INPP5F: variants seen among roughly 807,000 people sequenced by gnomAD.
The protein encoded by INPP5F is phosphatidylinositide 4-phosphatase SAC2.
INPP5F carries 97 observed loss-of-function variants against 137.2 expected under a neutral mutation model. The observed-to-expected ratio is 0.71, with a 90% CI of 0.60 to 0.84. The LOEUF is 0.84. Ranked by LOEUF, INPP5F falls within the 40% of genes least tolerant of loss-of-function variation. The pLI is 0.00. For synonymous variants in INPP5F, 504 were observed against 476.9 expected (o/e 1.06, Z -0.74); for missense variants, 1,271 against 1,371.9 (o/e 0.93, Z 1.16).
chr10:119,806,611 G>A (rs1850800451), intron 12 of INPP5F, 131 bp downstream of exon 12: 3 of 797,486 alleles, frequency 3.8e-6, no homozygotes, highest in Non-Finnish European at 5.4e-6. Flanking sequence ...AAACACCCTT[G>A]TTGCATTAAA....
At chr10:119,798,139 A>G (rs897041958) in intron 8 of INPP5F, among the ~76,000 whole-genome samples, 33 of 151,898 alleles carry the variant, frequency 2.2e-4, no homozygotes, top group Admixed American at 1.8e-3. Context: ...TAATTAGATT[A>G]CTGAATGAGC....
At position 119,827,221 on chromosome 10, in the gene INPP5F, A is replaced by G; in HGVS notation, c.2840A>G (p.His947Arg). 11 of 1,614,176 alleles carry G rather than the reference A, an allele frequency of 6.8e-6. No homozygotes were observed. Among genetic ancestry groups the G allele is most frequent in the Non-Finnish European group, 9.3e-6 (11 of 1,180,040 alleles). Residue 947 changes from histidine to arginine, a missense_variant, in exon 20 of 20, where the codon CAC becomes CGC. Around this residue, in one of 6 missense-constraint regions of INPP5F, gnomAD observed 490 missense variants for 443.7 expected, o/e 1.10. Coordinates refer to ENST00000650623, the MANE Select transcript of INPP5F (RefSeq NM_014937.4). ...AAAAGTCCTTCTGCTGGCGACGTAC[A>G]CATATTGACTGGCTTTGCCAAGCCT... The part of the protein sequence containing the change: ...LKKSPSAGDV[H>R]ILTGFAKPMD...
rs117825588 is a variant in INPP5F at position 119,761,363 on chromosome 10, C to T, written c.178+10207C>T. ...ATAGCTGCTATGTTTGGAAGATGAA[C>T]AAATTAATAGTTGGCTCTTTAGTCA... On this transcript the variant is annotated intron_variant, in intron 2 of 19. Transcript: ENST00000650623. Among the ~76,000 whole-genome samples the T allele has an allele frequency of 1.2e-3, 178 of 152,292 alleles. 1 individual carries two copies. The East Asian group carries it at 0.032, about 27-fold the overall frequency.
At chr10:119,775,249 A>G (rs1379738572) in intron 2 of INPP5F, among the ~76,000 whole-genome samples, 1 of 152,098 alleles carries the variant, frequency 6.6e-6, no homozygotes, top group Non-Finnish European at 1.5e-5. Context: ...CTGGATTATC[A>G]AATATAATTC....
chr10:119,795,833 C>T (rs1001923290), intron 6 of INPP5F, among the ~76,000 whole-genome samples: 4 of 152,294 alleles, frequency 2.6e-5, no homozygotes, highest in African/African-American at 4.8e-5. Context: ...CCTGGCACCT[C>T]GGGAGGCCAA....
At chr10:119,770,428 A>G (rs1431800651) in intron 2 of INPP5F, among the ~76,000 whole-genome samples, 1 of 152,200 alleles carries the variant, frequency 6.6e-6, no homozygotes, top group African/African-American at 2.4e-5. Flanking sequence ...GGCCTGATGG[A>G]TAATAGGATT....
chr10:119,808,633 G>T (rs1022999651), intron 13 of INPP5F, among the ~76,000 whole-genome samples: 1 of 152,206 alleles, frequency 6.6e-6, no homozygotes, highest in Non-Finnish European at 1.5e-5. Context: ...ACTGTTAAAA[G>T]TAAAGTCCTT....
intron 6 of INPP5F, among the ~76,000 whole-genome samples, chr10:119,795,086 C>A (rs1421387275): frequency 7.5e-6 from 1 of 133,068 alleles, no homozygotes. Flanking sequence ...CTGACCCCCC[C>A]ACCTCCCTCC....
chr10:119,795,757 G>T (rs530772347), intron 6 of INPP5F, among the ~76,000 whole-genome samples: 129 of 152,286 alleles, frequency 8.5e-4, no homozygotes, highest in African/African-American at 3.0e-3. Context: ...AGCCAGCCGA[G>T]ATCATGCCAC....
rs959991314 is a variant in INPP5F at position 119,743,563 on chromosome 10, A to G, written c.98-7513A>G. On this transcript the variant is annotated intron_variant, in intron 1 of 19. Coordinates refer to ENST00000650623, the MANE Select transcript of INPP5F (RefSeq NM_014937.4). ...GACTGACCCTTGTTCTAAGTCTAGA[A>G]TGAAGGGCAGGCAGAAGTGGGTGGG... Among the ~76,000 whole-genome samples, 5 of 149,112 alleles carry G rather than the reference A, an allele frequency of 3.4e-5. No homozygotes were observed. The Admixed American group carries it at 3.4e-4, about 10-fold the overall frequency.
intron 9 of INPP5F, among the ~76,000 whole-genome samples, chr10:119,801,604 G>C (rs1439052240): frequency 6.6e-6 from 1 of 152,168 alleles, no homozygotes; most frequent in African/African-American, 2.4e-5. Context: ...GCCAGGCCTG[G>C]TGGCACATGG....
At chr10:119,750,546 C>T (rs939013137) in intron 1 of INPP5F, among the ~76,000 whole-genome samples, 5 of 152,166 alleles carry the variant, frequency 3.3e-5, no homozygotes, top group East Asian at 3.8e-4. Context: ...GATTGAGATG[C>T]CTGGCACGTA....
chr10:119,823,603 T>G (rs1156705742), intron 18 of INPP5F, among the ~76,000 whole-genome samples: 1 of 152,210 alleles, frequency 6.6e-6, no homozygotes. Context: ...CCCGATTTCA[T>G]TCTTTTGCTT....
intron 3 of INPP5F, among the ~76,000 whole-genome samples, chr10:119,781,988 C>T (rs977677346): frequency 2.6e-5 from 4 of 152,082 alleles, no homozygotes. Flanking sequence ...CTGCTGTGGT[C>T]GCAGTAGTGT....
chr10:119,784,578 T>C lies in INPP5F; in HGVS notation c.315+2807T>C, dbSNP rs182386564. On this transcript the variant is annotated intron_variant, in intron 3 of 19. Transcript: ENST00000650623. ...TAAAGCCTAAGTCTGTGTTCTGTAA[T>C]TGGAGCAGAAGCAATCTTATTTCAG... Among the ~76,000 whole-genome samples, 555 of 152,358 alleles carry C rather than the reference T, an allele frequency of 3.6e-3. 2 individuals carry two copies. The highest frequency in any genetic ancestry group is 9.8e-3 in the Admixed American group (150 of 15,308).
chr10:119,818,142 A>G (rs1210942354), intron 15 of INPP5F, among the ~76,000 whole-genome samples: 1 of 152,192 alleles, frequency 6.6e-6, no homozygotes, highest in Non-Finnish European at 1.5e-5. Context: ...TGTCCGGGCT[A>G]CCTTAGACAG....
intron 3 of INPP5F, among the ~76,000 whole-genome samples, chr10:119,786,191 A>C (rs1284730103): frequency 2.0e-5 from 3 of 152,234 alleles, no homozygotes; most frequent in Non-Finnish European, 4.4e-5. Context: ...GTAAGTTGCA[A>C]GCGTAATTTA....
At position 119,811,560 on chromosome 10, in the gene INPP5F, TTGTC is replaced by T. The variant is rs557406989; in HGVS notation, c.1688-193_1688-190del. 4.7e-4 allele frequency among the ~76,000 whole-genome samples: 71 copies of T among 152,344 alleles called. 1 individual carries two copies. The East Asian group carries it at 0.013, about 28-fold the overall frequency. On this transcript the variant is annotated intron_variant, in intron 14 of 19. Coordinates refer to ENST00000650623, the MANE Select transcript of INPP5F (RefSeq NM_014937.4). The stretch of plus-strand genomic sequence containing the variant: ...GTTTTTAATTTTTATGATGTCCAGT[TTGTC>T]TGTTTTTTCTTCTTTTATTGCTTAT...
At chr10:119,789,732 T>C (rs1850069809) in intron 3 of INPP5F, among the ~76,000 whole-genome samples, 1 of 151,590 alleles carries the variant, frequency 6.6e-6, no homozygotes, top group Non-Finnish European at 1.5e-5. Context: ...GAAGGTGGGG[T>C]TGGCATAAGG....
Sources: gnomAD v4.1 joint callset for allele counts (sites outside exome capture counted in the v4.1 genomes callset) on GRCh38, gnomAD v4.1.1 for gene constraint, gnomAD v4.1.1 regional missense constraint, MANE v1.5 for transcripts, NCBI Gene and HGNC (gene_info 2026-07-23, HGNC 2026-07-21) for gene names.